The following ACP6 variants were observed in gnomAD, a reference collection of about 807,000 sequenced individuals.
ACP6 encodes acid phosphatase 6, lysophosphatidic, also known as lysophosphatidic acid phosphatase type 6.
Under a neutral mutation model 48.1 loss-of-function variants are expected in ACP6, and 48 were observed. The ratio of observed to expected loss-of-function variants is 1.00; its 90% CI spans 0.79 to 1.27. The LOEUF is 1.27. ACP6 is among the 50% of genes most tolerant of loss of function. The pLI is 0.00. For synonymous variants in ACP6, 172 were observed against 204.2 expected (o/e 0.84, Z 1.34); for missense variants, 485 against 529.1 (o/e 0.92, Z 0.82).
At position 147,633,007 on chromosome 1, in the gene ACP6, G is replaced by C. The variant is rs782144874; in HGVS notation, c.461-1942C>G. Among the ~76,000 whole-genome samples the C allele has an allele frequency of 4.7e-4, 71 of 152,258 alleles. 1 individual carries two copies. The highest frequency in any genetic ancestry group is 1.2e-3 in the Admixed American group (18 of 15,304). ...GAAGCTGAAAGAAAGGTAGAATCGT[G>C]GTGTTGGAAGAGGCCATCCTACTGC... On this transcript the variant is annotated intron_variant, in intron 5 of 5. Coordinates refer to the ACP6 transcript ENST00000609196.
At chr1:147,635,791 C>T (rs1659283450) in intron 5 of ACP6, among the ~76,000 whole-genome samples, 1 of 152,198 alleles carries the variant, frequency 6.6e-6, no homozygotes, top group Non-Finnish European at 1.5e-5. Context: ...AGAACTCAGT[C>T]ATGAGGGATT....
At chr1:147,668,761 T>C (rs2148919273) in intron 1 of ACP6, among the ~76,000 whole-genome samples, 1 of 152,320 alleles carries the variant, frequency 6.6e-6, no homozygotes, top group South Asian at 2.1e-4. Context: ...AACCTGGTAA[T>C]AGAATTAAGT....
At chr1:147,669,093 T>A (rs1437059968) in intron 1 of ACP6, among the ~76,000 whole-genome samples, 4 of 16,280 alleles carry the variant, frequency 2.5e-4, no homozygotes, top group African/African-American at 6.4e-4. Context: ...AAGATAATCA[T>A]TTTTTTTTAA....
chr1:147,631,536 C>T (rs936889972), intron 5 of ACP6, among the ~76,000 whole-genome samples: 1 of 152,206 alleles, frequency 6.6e-6, no homozygotes, highest in Admixed American at 6.5e-5. Flanking sequence ...TATGAATTGG[C>T]TGGACACTGT....
Position 147,644,343 on chromosome 1 carries a change from G to A in ACP6, c.*3080C>T, listed in dbSNP as rs189050970. 2 of 152,208 alleles carry A rather than the reference G, an allele frequency of 1.3e-5. No homozygotes were observed. Among genetic ancestry groups the A allele is most frequent in the African/African-American group, 4.8e-5 (2 of 41,562 alleles). The allele number at this position is 152,208 out of a possible 1,614,324, so 9.4% of individuals were successfully genotyped here. A position where few individuals can be genotyped will look rare whatever the true frequency, so the allele number is the denominator to read the frequency against. On this transcript the variant is annotated 3_prime_UTR_variant, in exon 10 of 10. Transcript: ENST00000583509. ...AAGTTTTTATTACAAAAAAGAAGAAGAATGGTAAGATGGCGAGTATGGCTG... is the reference window on the plus strand; with the variant it reads ...AAGTTTTTATTACAAAAAAGAAGAAAAATGGTAAGATGGCGAGTATGGCTG...
intron 7 of ACP6, 50 bp from the exon 8 acceptor site, chr1:147,650,288 G>C (rs782319455): frequency 1.4e-6 from 2 of 1,382,138 alleles, no homozygotes; most frequent in South Asian, 2.6e-5. Context: ...TCAGCATTCA[G>C]GGGACACAGA....
chr1:147,643,031 T>C lies in ACP6; in HGVS notation c.*4392A>G, dbSNP rs782091395. The C allele has an allele frequency of 3.3e-5, 5 of 152,242 alleles. No homozygotes were observed. Among genetic ancestry groups the C allele is most frequent in the African/African-American group, 4.8e-5 (2 of 41,452 alleles). 9.4% of individuals were successfully genotyped at this position (152,242 alleles called of 1,614,324 possible). A position where few individuals can be genotyped will look rare whatever the true frequency, so the allele number is the denominator to read the frequency against. ...CTTGCAGATAGTCATCTTCCCTCTG[T>C]GTCTGTGTCCTCATTTCCTCTTCTT... On this transcript the variant is annotated 3_prime_UTR_variant, in exon 10 of 10. Coordinates refer to ENST00000583509, the MANE Select transcript of ACP6 (RefSeq NM_016361.5).
chr1:147,639,757 A>C (rs1366982579), downstream of ACP6, among the ~76,000 whole-genome samples: 1 of 152,160 alleles, frequency 6.6e-6, no homozygotes, highest in Non-Finnish European at 1.5e-5. Flanking sequence ...GCAGTGATTC[A>C]GTGCAGGCCA....
chr1:147,657,830 AC>A (rs1660334310), intron 4 of ACP6, among the ~76,000 whole-genome samples: 1 of 152,248 alleles, frequency 6.6e-6, no homozygotes, highest in Non-Finnish European at 1.5e-5. Flanking sequence ...GGGAGCTGCT[AC>A]CCAGACACCT....
chr1:147,665,460 A>G lies in ACP6; in HGVS notation c.219+4370T>C, dbSNP rs144459053. On this transcript the variant is annotated intron_variant, in intron 1 of 9. Coordinates refer to ENST00000583509, the MANE Select transcript of ACP6 (RefSeq NM_016361.5). ...ACTACTTTGATTTTTGAGCCTTGTA[A>G]TGGAGATATTCCTTGACTAAAACTA... Among the ~76,000 whole-genome samples, 596 of 152,362 alleles carry G rather than the reference A, an allele frequency of 3.9e-3. 10 individuals are homozygous for G. Among genetic ancestry groups the G allele is most frequent in the Admixed American group, 0.012 (180 of 15,304 alleles).
chr1:147,648,238 G>T lies in ACP6; in HGVS notation c.1143+8C>A, dbSNP rs1380150651. On this transcript the variant is annotated splice_region_variant and intron_variant, in intron 9 of 9. Coordinates refer to ENST00000583509, the MANE Select transcript of ACP6 (RefSeq NM_016361.5). Reference sequence around the variant, plus strand: ...CACCACCACCCAACCCCACCTCAGGGGTATTACCTTCCCGTGGTAATAGAG... The same window carrying T: ...CACCACCACCCAACCCCACCTCAGGTGTATTACCTTCCCGTGGTAATAGAG... 6 of 1,613,804 alleles carry T rather than the reference G, an allele frequency of 3.7e-6. No homozygotes were observed. The highest frequency in any genetic ancestry group is 5.1e-6 in the Non-Finnish European group (6 of 1,179,930).
downstream of ACP6, among the ~76,000 whole-genome samples, chr1:147,641,830 A>G (rs1171245115): frequency 2.0e-5 from 3 of 152,206 alleles, no homozygotes; most frequent in African/African-American, 7.2e-5. Context: ...AATCTCCTGC[A>G]CACACAGGCA....
At chr1:147,668,660 A>G (rs1373440267) in intron 1 of ACP6, among the ~76,000 whole-genome samples, 1 of 152,096 alleles carries the variant, frequency 6.6e-6, no homozygotes, top group Non-Finnish European at 1.5e-5. Flanking sequence ...AGGCAAAGTA[A>G]GAGACTGAAA....
chr1:147,648,541 G>A (rs1659751297), intron 8 of ACP6, 130 bp from the exon 9 acceptor site: 3 of 1,070,476 alleles, frequency 2.8e-6, no homozygotes, highest in African/African-American at 1.6e-5. Flanking sequence ...GCTGAGCCTG[G>A]TATAAAAGTC....
In ACP6 at chr1:147,670,087, G is replaced by T; in HGVS notation, c.-39C>A. The stretch of plus-strand genomic sequence containing the variant: ...CGCTGCCCTCCGGGTTGAGGCTGCA[G>T]GAGGCAAACACAAGTCTTCTGCGGG... On this transcript the variant is annotated 5_prime_UTR_variant, in exon 1 of 10. The change creates a new upstream start codon in the 5' untranslated region. Transcript: ENST00000583509. 5 of 1,462,350 alleles carry T rather than the reference G, an allele frequency of 3.4e-6. No individual in the cohort carries two copies. Among genetic ancestry groups the T allele is most frequent in the Non-Finnish European group, 4.5e-6 (5 of 1,099,430 alleles). The allele number at this position is 1,462,350 out of a possible 1,614,324, so 90.6% of individuals were successfully genotyped here.
chr1:147,661,437 C>T (rs1553212737), intron 1 of ACP6, among the ~76,000 whole-genome samples: 1 of 152,040 alleles, frequency 6.6e-6, no homozygotes, highest in African/African-American at 2.4e-5. Flanking sequence ...TATAAGATGC[C>T]AAACTTAATC....
downstream of ACP6, among the ~76,000 whole-genome samples, chr1:147,639,455 C>T (rs1224582162): frequency 6.6e-6 from 1 of 152,174 alleles, no homozygotes; most frequent in Non-Finnish European, 1.5e-5. Flanking sequence ...AGGGACTGCT[C>T]TCTCATCTCC....
At chr1:147,637,629 C>T (rs910340126), downstream of ACP6, among the ~76,000 whole-genome samples, 1 of 152,180 alleles carries the variant, frequency 6.6e-6, no homozygotes. Context: ...AGCCATTGCA[C>T]ATTTAGGATT....
intron 4 of ACP6, among the ~76,000 whole-genome samples, chr1:147,656,776 TC>T (rs1199545523): frequency 2.6e-5 from 4 of 152,202 alleles, no homozygotes; most frequent in African/African-American, 9.7e-5. Flanking sequence ...ATACAATTGG[TC>T]CTCCATGTCC....
Sources: gnomAD v4.1 joint callset for allele counts (sites outside exome capture counted in the v4.1 genomes callset) on GRCh38, gnomAD v4.1.1 for gene constraint, MANE v1.5 for transcripts, NCBI Gene and HGNC (gene_info 2026-07-23, HGNC 2026-07-21) for gene names.